The following UPP2 variants were observed in gnomAD, a reference collection of about 807,000 sequenced individuals.
UPP2 encodes uridine phosphorylase 2.
Under a neutral mutation model 26.7 loss-of-function variants are expected in UPP2, and 23 were observed. The observed-to-expected ratio is 0.86, with a 90% CI of 0.62 to 1.22. The LOEUF is 1.22. UPP2 is among the 50% of genes most tolerant of loss of function. The pLI, the probability that UPP2 is intolerant of heterozygous loss-of-function variation, is 0.00. For synonymous variants in UPP2, 127 were observed against 141.3 expected (o/e 0.90, Z 0.72); for missense variants, 387 against 396.7 (o/e 0.98, Z 0.21).
chr2:157,998,405 C>T (rs1214925571), intron 2 of UPP2, among the ~76,000 whole-genome samples: 1 of 152,214 alleles, frequency 6.6e-6, no homozygotes, highest in African/African-American at 2.4e-5. Context: ...GATTACTCTA[C>T]TTCGAAGGTC....
intron 3 of UPP2, among the ~76,000 whole-genome samples, chr2:158,025,854 G>C (rs1683825385): frequency 6.6e-6 from 1 of 152,230 alleles, no homozygotes; most frequent in Non-Finnish European, 1.5e-5. Context: ...GTCAGTAGAA[G>C]GGGGTCTGGA....
At chr2:158,134,023 T>C (rs1574315897) in intron 6 of UPP2, 1 of 152,242 alleles carries the variant, frequency 6.6e-6, no homozygotes, top group African/African-American at 2.4e-5. Flanking sequence ...ACATTGCCCT[T>C]GTGACAACTT....
At chr2:158,073,189 T>C (rs951835386) in intron 3 of UPP2, among the ~76,000 whole-genome samples, 1 of 151,954 alleles carries the variant, frequency 6.6e-6, no homozygotes, top group Non-Finnish European at 1.5e-5. Context: ...GCAACTGACA[T>C]GCTAAAACAA....
chr2:158,022,178 G>A (rs1037908530), intron 3 of UPP2, among the ~76,000 whole-genome samples: 1 of 151,932 alleles, frequency 6.6e-6, no homozygotes, highest in African/African-American at 2.4e-5. Context: ...TAAAAGTCTT[G>A]GCCATGTGCG....
chr2:158,006,699 G>C (rs1233380385), intron 2 of UPP2, among the ~76,000 whole-genome samples: 1 of 152,120 alleles, frequency 6.6e-6, no homozygotes, highest in Non-Finnish European at 1.5e-5. Flanking sequence ...TGGCAAACAA[G>C]CTAACAAACC....
intron 3 of UPP2, among the ~76,000 whole-genome samples, chr2:158,070,010 G>T (rs557275782): frequency 5.1e-4 from 77 of 152,116 alleles, no homozygotes; most frequent in African/African-American, 1.7e-3. Flanking sequence ...CCCCCCAAAG[G>T]CCTCACCAAA....
At chr2:158,010,296 C>T (rs143335998) in intron 2 of UPP2, among the ~76,000 whole-genome samples, 6 of 152,030 alleles carry the variant, frequency 3.9e-5, no homozygotes, top group Non-Finnish European at 5.9e-5. Flanking sequence ...AAGAGTAATC[C>T]CTGAATTTGT....
intron 3 of UPP2, chr2:158,065,944 G>GA: frequency 6.1e-6 from 3 of 495,084 alleles, no homozygotes; most frequent in Admixed American, 3.0e-5. Flanking sequence ...CAATTCGCAA[G>GA]AAAAAAGCAG....
intron 2 of UPP2, among the ~76,000 whole-genome samples, chr2:158,010,770 T>C (rs6716503): frequency 3.3e-4 from 19 of 57,760 alleles, no homozygotes; most frequent in Admixed American, 2.7e-3. Flanking sequence ...TTTCTTTTTT[T>C]TTTTTTTTTT....
chr2:158,112,694 CT>C (rs1317835108), intron 2 of UPP2, among the ~76,000 whole-genome samples: 1 of 152,054 alleles, frequency 6.6e-6, no homozygotes, highest in Admixed American at 6.5e-5. Context: ...TAATCTCTCA[CT>C]AGAAATTTTA....
At chr2:158,019,999 A>C (rs755269042) in intron 3 of UPP2, among the ~76,000 whole-genome samples, 9 of 152,248 alleles carry the variant, frequency 5.9e-5, no homozygotes, top group Non-Finnish European at 7.3e-5. Flanking sequence ...TACAAAATCC[A>C]AAATCTGTCT....
intron 6 of UPP2, among the ~76,000 whole-genome samples, chr2:158,125,047 A>G (rs2105230365): frequency 6.6e-6 from 1 of 152,308 alleles, no homozygotes; most frequent in Admixed American, 6.5e-5. Flanking sequence ...TTAAACGTTA[A>G]AAGTTAATTG....
intron 2 of UPP2, among the ~76,000 whole-genome samples, chr2:158,005,649 G>A (rs1398410133): frequency 6.6e-6 from 1 of 152,196 alleles, no homozygotes; most frequent in Non-Finnish European, 1.5e-5. Flanking sequence ...ACATTTTGGT[G>A]AATTTATATG....
In UPP2 at chr2:158,082,815, C is replaced by T. The variant is rs945928630; in HGVS notation, c.148-19225C>T. ...AAATTTTTGCAATCTACTCATCTGA[C>T]AAAGGGCTAATATCCAGAATCTACA... On this transcript the variant is annotated intron_variant, in intron 3 of 9. Transcript: ENST00000605860. Among the ~76,000 whole-genome samples, 7 of 151,266 alleles carry T rather than the reference C, an allele frequency of 4.6e-5. No homozygotes were observed. In the East Asian group the frequency reaches 1.4e-3, roughly 29 times the overall value.
intron 3 of UPP2, among the ~76,000 whole-genome samples, chr2:158,041,679 G>A (rs1004461906): frequency 6.6e-6 from 1 of 152,092 alleles, no homozygotes; most frequent in African/African-American, 2.4e-5. Flanking sequence ...CAGCATAAGT[G>A]GAAACTTATG....
intron 2 of UPP2, among the ~76,000 whole-genome samples, chr2:158,111,763 T>A (rs1683324628): frequency 6.6e-6 from 1 of 152,186 alleles, no homozygotes; most frequent in African/African-American, 2.4e-5. Flanking sequence ...TTTGTTTCTC[T>A]GCTTATTTGT....
chr2:158,091,836 T>C (rs1341548347), intron 3 of UPP2, among the ~76,000 whole-genome samples: 1 of 152,218 alleles, frequency 6.6e-6, no homozygotes, highest in Non-Finnish European at 1.5e-5. Context: ...TGGCACATTG[T>C]CAGTTCTGAC....
chr2:158,081,439 C>A (rs1021825964), intron 3 of UPP2, among the ~76,000 whole-genome samples: 9 of 151,980 alleles, frequency 5.9e-5, no homozygotes, highest in Admixed American at 4.6e-4. Flanking sequence ...ATAGATCTAC[C>A]AAATGATGCA....
At chr2:158,089,495 AC>A (rs1558926926) in intron 3 of UPP2, among the ~76,000 whole-genome samples, 1 of 151,810 alleles carries the variant, frequency 6.6e-6, no homozygotes, top group East Asian at 1.9e-4. Context: ...CGATTCAACC[AC>A]CCCCGACCCC....
Sources: gnomAD v4.1 joint callset for allele counts (sites outside exome capture counted in the v4.1 genomes callset) on GRCh38, gnomAD v4.1.1 for gene constraint, MANE v1.5 for transcripts, NCBI Gene and HGNC (gene_info 2026-07-23, HGNC 2026-07-21) for gene names.